The following LRRC58 variants were observed in gnomAD, a reference collection of about 807,000 sequenced individuals.
LRRC58 encodes the protein leucine rich repeat containing 58.
LRRC58 carries 18 observed loss-of-function variants against 30.6 expected under a neutral mutation model. That is an observed-to-expected ratio of 0.59 (90% CI 0.41 to 0.87). The LOEUF is 0.87. Among genes scored for constraint, LRRC58 ranks in the 40% least tolerant of loss-of-function variants. The pLI, the probability that LRRC58 is intolerant of heterozygous loss-of-function variation, is 0.00. For synonymous variants in LRRC58, 221 were observed against 206.0 expected, an observed-to-expected ratio of 1.07 and a Z score of -0.62; for missense variants, 420 against 468.4, an observed-to-expected ratio of 0.90 and a Z score of 0.95.
At chr3:120,342,422 A>AGAGAGGAGTATCCTCTAAGCT (rs1292641109) in intron 1 of LRRC58, among the ~76,000 whole-genome samples, 1 of 152,224 alleles carries the variant, frequency 6.6e-6, no homozygotes, top group Non-Finnish European at 1.5e-5. Flanking sequence ...GACCAGCTGC[A>AGAGAGGAGTATCCTCTAAGCT]GAGAGGAGTA....
intron 1 of LRRC58, among the ~76,000 whole-genome samples, chr3:120,340,608 G>A (rs1935892492): frequency 6.6e-6 from 1 of 152,104 alleles, no homozygotes; most frequent in African/African-American, 2.4e-5. Context: ...AGGTGCAGGG[G>A]CTCACACCTA....
rs1314034280 is a variant in LRRC58 at position 120,324,529 on chromosome 3, A to G, written c.*6671T>C. The stretch of plus-strand genomic sequence containing the variant: ...CAGAGTCAATGTTAGTACATATTTA[A>G]TGTATGTATTCAATGATGTAACAAG... On this transcript the variant is annotated 3_prime_UTR_variant, in exon 4 of 4. Coordinates refer to ENST00000295628, the MANE Select transcript of LRRC58 (RefSeq NM_001099678.2). 6.6e-6 allele frequency: 1 copy of G among 152,188 alleles called. No homozygotes were observed. Among genetic ancestry groups the G allele is most frequent in the African/African-American group, 2.4e-5 (1 of 41,432 alleles). 9.4% of individuals were successfully genotyped at this position (152,188 alleles called of 1,614,324 possible). A position where few individuals can be genotyped will look rare whatever the true frequency, so the allele number is the denominator to read the frequency against.
intron 1 of LRRC58, among the ~76,000 whole-genome samples, chr3:120,348,116 C>A (rs570449909): frequency 1.3e-5 from 2 of 152,286 alleles, no homozygotes; most frequent in Admixed American, 6.5e-5. Context: ...CTTGAGATAG[C>A]TTTTGAAGGA....
At chr3:120,339,996 G>A (rs565970755) in intron 1 of LRRC58, among the ~76,000 whole-genome samples, 1 of 152,046 alleles carries the variant, frequency 6.6e-6, no homozygotes, top group Non-Finnish European at 1.5e-5. Flanking sequence ...GAGTAGTTGG[G>A]ATTACAGGCG....
chr3:120,340,720 A>AAAAC (rs371561272), intron 1 of LRRC58, among the ~76,000 whole-genome samples: 1 of 152,130 alleles, frequency 6.6e-6, no homozygotes, highest in Non-Finnish European at 1.5e-5. Context: ...TAAAAAAACA[A>AAAAC]AAACAAACAA....
chr3:120,335,181 G>A lies in LRRC58; in HGVS notation c.630-42C>T, dbSNP rs372883505. 3.1e-5 allele frequency: 48 copies of A among 1,535,356 alleles called. 1 individual carries two copies. The highest frequency in any genetic ancestry group is 1.4e-4 in the South Asian group (12 of 84,312). On this transcript the variant is annotated intron_variant, in intron 2 of 3. Transcript: ENST00000295628. ...AGAAAAATCAATGGCAGTAAACAAC[G>A]TAACTATCAAAAATATTGAATATAT...
chr3:120,337,165 G>A (rs1935846724), intron 1 of LRRC58, among the ~76,000 whole-genome samples: 1 of 152,068 alleles, frequency 6.6e-6, no homozygotes. Flanking sequence ...AGAATATAAG[G>A]TGTAATTTTA....
intron 1 of LRRC58, among the ~76,000 whole-genome samples, chr3:120,338,085 C>T (rs1027469245): frequency 1.1e-4 from 16 of 152,134 alleles, no homozygotes; most frequent in African/African-American, 2.9e-4. Flanking sequence ...TCAGGTGATC[C>T]GCCCACCTCA....
intron 1 of LRRC58, among the ~76,000 whole-genome samples, chr3:120,347,262 T>A (rs1479177322): frequency 6.6e-6 from 1 of 152,134 alleles, no homozygotes; most frequent in Non-Finnish European, 1.5e-5. Context: ...AGAGACATCT[T>A]GCCCAAATGC....
At chr3:120,340,933 T>A (rs1036164924) in intron 1 of LRRC58, among the ~76,000 whole-genome samples, 1 of 152,098 alleles carries the variant, frequency 6.6e-6, no homozygotes, top group African/African-American at 2.4e-5. Flanking sequence ...ATGACACTTT[T>A]AAAAAAACGT....
intron 1 of LRRC58, 140 bp downstream of exon 1, chr3:120,348,604 G>A: frequency 1.1e-6 from 1 of 950,822 alleles, no homozygotes; most frequent in Non-Finnish European, 1.5e-6. Context: ...TGAGATGGTT[G>A]GGCAGAACTC....
At chr3:120,348,289 T>C (rs993538180) in intron 1 of LRRC58, among the ~76,000 whole-genome samples, 5 of 152,174 alleles carry the variant, frequency 3.3e-5, no homozygotes, top group Non-Finnish European at 7.4e-5. Context: ...CAAATGGTAG[T>C]TGGTACTGCC....
At position 120,335,033 on chromosome 3, in the gene LRRC58, G is replaced by T; in HGVS notation, c.736C>A (p.Pro246Thr). The stretch of plus-strand genomic sequence containing the variant: ...TCTCTAACAAAACGAACAACCAATG[G>T]ATTTCCTCGTAAACTCAACTCTTCC... ...HLEELSLRGN[P>T]LVVRFVRDLT... Residue 246 changes from proline to threonine, a missense_variant, in exon 3 of 4, where the codon CCA becomes ACA. Physicochemically the swap from Pro to Thr is conservative, Grantham distance 38. This residue lies in a region of LRRC58 where 154 missense variants were observed against 216.8 expected (regional missense o/e 0.71). Transcript: ENST00000295628. The T allele has an allele frequency of 6.2e-7, 1 of 1,613,932 alleles. No homozygotes were observed. Among genetic ancestry groups the T allele is most frequent in the African/African-American group, 1.3e-5 (1 of 75,034 alleles).
Position 120,349,260 on chromosome 3 carries a change from C to G in LRRC58, c.-17G>C. 7.4e-7 allele frequency: 1 copy of G among 1,356,462 alleles called. No individual in the cohort carries two copies. The highest frequency in any genetic ancestry group is 1.8e-5 in the South Asian group (1 of 56,550). The allele number at this position is 1,356,462 out of a possible 1,614,324, so 84.0% of individuals were successfully genotyped here. On this transcript the variant is annotated 5_prime_UTR_variant, in exon 1 of 4. Coordinates refer to ENST00000295628, the MANE Select transcript of LRRC58 (RefSeq NM_001099678.2). ...CTCCTCCATCCTGGCCACCGCACGG[C>G]GCGTGGCGCCGGATTCCCCAGAGCG...
chr3:120,329,982 A>G lies in LRRC58; in HGVS notation c.*1218T>C, dbSNP rs189944566. The stretch of plus-strand genomic sequence containing the variant: ...ACAATATATTTAATAATTTTTTTCT[A>G]TTTTATTAATACTTTATTTTCAAAA... On this transcript the variant is annotated 3_prime_UTR_variant, in exon 4 of 4. Transcript: ENST00000295628. 16 of 151,996 alleles carry G rather than the reference A, an allele frequency of 1.1e-4. No individual in the cohort carries two copies. Among genetic ancestry groups the G allele is most frequent in the African/African-American group, 7.2e-5 (3 of 41,540 alleles). The allele number at this position is 151,996 out of a possible 1,614,324, so 9.4% of individuals were successfully genotyped here.
Position 120,331,360 on chromosome 3 carries a change from C to T in LRRC58, c.956G>A (p.Cys319Tyr). The T allele has an allele frequency of 6.2e-7, 1 of 1,613,960 alleles. No individual in the cohort carries two copies. Among genetic ancestry groups the T allele is most frequent in the Non-Finnish European group, 8.5e-7 (1 of 1,179,862 alleles). ...CVRQIKFVDF[C>Y]GKYRLPLMHY... ...CATCAGTGGGAGGCGATACTTCCCA[C>T]AGAAGTCCACAAATTTAATTTGTCT... Residue 319 changes from cysteine (C) to tyrosine (Y), a missense_variant, in exon 4 of 4, where the codon TGT (cysteine) becomes TAT (tyrosine). Physicochemically the swap from Cys to Tyr is radical, Grantham distance 194. Around this residue, in one of 2 missense-constraint regions of LRRC58, gnomAD observed 154 missense variants for 216.8 expected, o/e 0.71. Coordinates refer to ENST00000295628, the MANE Select transcript of LRRC58 (RefSeq NM_001099678.2).
At chr3:120,331,994 T>C (rs939843908) in intron 3 of LRRC58, among the ~76,000 whole-genome samples, 1 of 152,194 alleles carries the variant, frequency 6.6e-6, no homozygotes, top group African/African-American at 2.4e-5. Flanking sequence ...CAATTACACA[T>C]CGTCAGGTAA....
chr3:120,331,684 G>T (rs921350051), intron 3 of LRRC58, among the ~76,000 whole-genome samples: 1 of 152,050 alleles, frequency 6.6e-6, no homozygotes, highest in Admixed American at 6.6e-5. Context: ...GGAGACTTGG[G>T]GCAATGGCTG....
In LRRC58 at chr3:120,329,475, TTAC is replaced by T. The variant is rs1935724488; in HGVS notation, c.*1722_*1724del. 1 of 152,058 alleles carries T rather than the reference TTAC, an allele frequency of 6.6e-6. No homozygotes were observed. Among genetic ancestry groups the T allele is most frequent in the Non-Finnish European group, 1.5e-5 (1 of 67,940 alleles). 9.4% of individuals were successfully genotyped at this position (152,058 alleles called of 1,614,324 possible). A position where few individuals can be genotyped will look rare whatever the true frequency, so the allele number is the denominator to read the frequency against. On this transcript the variant is annotated 3_prime_UTR_variant, in exon 4 of 4. Coordinates refer to ENST00000295628, the MANE Select transcript of LRRC58 (RefSeq NM_001099678.2). ...TCTGAGTCAAAAGGAAAACAAAATC[TTAC>T]TACATTATAACAAGGTAAAGGTGAA...
Sources: gnomAD v4.1 joint callset for allele counts (sites outside exome capture counted in the v4.1 genomes callset) on GRCh38, gnomAD v4.1.1 for gene constraint, gnomAD v4.1.1 regional missense constraint, MANE v1.5 for transcripts, NCBI Gene and HGNC (gene_info 2026-07-23, HGNC 2026-07-21) for gene names.